The following EVL variants were observed in gnomAD, a reference collection of about 807,000 sequenced individuals.
The protein encoded by EVL is ena/VASP-like protein.
EVL carries 21 observed loss-of-function variants against 59.6 expected under a neutral mutation model. That is an observed-to-expected ratio of 0.35 (90% confidence interval 0.25 to 0.51). EVL has a LOEUF of 0.51. EVL is among the 20% of genes least tolerant of loss of function. The pLI, the probability that EVL is intolerant of heterozygous loss-of-function variation, is 0.97. For synonymous variants in EVL, 198 were observed against 203.5 expected (o/e 0.97, Z 0.23); for missense variants, 462 against 546.6 (o/e 0.85, Z 1.54).
chr14:100,014,112 G>C (rs1404702526), intron 1 of EVL, among the ~76,000 whole-genome samples: 1 of 152,028 alleles, frequency 6.6e-6, no homozygotes, highest in Admixed American at 6.6e-5. Context: ...TGTGCTATCA[G>C]ATACTAGCAT....
chr14:100,107,090 C>T lies in EVL; in HGVS notation c.358+9432C>T, dbSNP rs1433937813. Reference sequence around the variant, plus strand: ...CAGGCCCGTGGCAGTTCACATGACACGAAGATGCCCGGTGCCTGGTATGTG... The same window carrying T: ...CAGGCCCGTGGCAGTTCACATGACATGAAGATGCCCGGTGCCTGGTATGTG... On this transcript the variant is annotated intron_variant, in intron 3 of 13. Coordinates refer to ENST00000392920, the MANE Select transcript of EVL (RefSeq NM_016337.3). The T allele has an allele frequency of 1.3e-5, 5 of 398,606 alleles. No homozygotes were observed. The Admixed American group carries it at 1.3e-4, about 11-fold the overall frequency. 24.7% of individuals were successfully genotyped at this position (398,606 alleles called of 1,614,324 possible). A position where few individuals can be genotyped will look rare whatever the true frequency, so the allele number is the denominator to read the frequency against.
At chr14:100,023,189 T>C (rs2061154963) in intron 1 of EVL, among the ~76,000 whole-genome samples, 1 of 144,792 alleles carries the variant, frequency 6.9e-6, no homozygotes, top group African/African-American at 2.8e-5. Context: ...TCACTTGTCC[T>C]TTTGCCCTTT....
rs145338960 is a variant in EVL, at chr14:99,979,793, C to T, written c.5+7736C>T. On this transcript the variant is annotated intron_variant, in intron 1 of 13. Coordinates refer to the EVL transcript ENST00000402714. ...CTGAGGCAGGAGAATGGTGCGAACC[C>T]GGGAGGCAGAGCTTGCAGTGAGCCA... Among the ~76,000 whole-genome samples the T allele has an allele frequency of 6.4e-4, 97 of 152,224 alleles. 2 individuals carry two copies. The East Asian group carries it at 0.018, about 29-fold the overall frequency.
rs150937058 is a variant in EVL, at chr14:100,120,916, G to A, written c.359-2623G>A. 2.3e-4 allele frequency among the ~76,000 whole-genome samples: 35 copies of A among 152,250 alleles called. 1 individual carries two copies. In the East Asian group the frequency reaches 2.3e-3, roughly 10 times the overall value. Reference sequence around the variant, plus strand: ...AAGCAGGGTGTTTTGTGGGGCAGCCGACACAGCACCAACAAGACTCCGTTA... The same window carrying A: ...AAGCAGGGTGTTTTGTGGGGCAGCCAACACAGCACCAACAAGACTCCGTTA... On this transcript the variant is annotated intron_variant, in intron 3 of 13. Coordinates refer to ENST00000392920, the MANE Select transcript of EVL (RefSeq NM_016337.3).
At chr14:100,010,060 C>T (rs906308106) in intron 1 of EVL, among the ~76,000 whole-genome samples, 5 of 152,058 alleles carry the variant, frequency 3.3e-5, no homozygotes, top group African/African-American at 1.2e-4. Flanking sequence ...GTGCCTGGCT[C>T]TTAGTTGATT....
chr14:100,007,099 C>T (rs542169369), intron 1 of EVL, among the ~76,000 whole-genome samples: 6 of 152,054 alleles, frequency 3.9e-5, no homozygotes, highest in South Asian at 4.2e-4. Context: ...TGAAGACGTG[C>T]GCCTGTCACA....
chr14:100,027,224 A>C (rs1251374151), intron 1 of EVL, among the ~76,000 whole-genome samples: 2 of 152,228 alleles, frequency 1.3e-5, no homozygotes, highest in African/African-American at 2.4e-5. Flanking sequence ...TGCCCATCTC[A>C]AGCGTTTATC....
At chr14:100,079,913 G>A (rs917860111) in intron 1 of EVL, among the ~76,000 whole-genome samples, 8 of 152,148 alleles carry the variant, frequency 5.3e-5, no homozygotes, top group Non-Finnish European at 1.0e-4. Context: ...ATCCTCCTGA[G>A]TAGCTGGGAC....
At chr14:99,998,077 T>C (rs972488491) in intron 1 of EVL, among the ~76,000 whole-genome samples, 2 of 152,164 alleles carry the variant, frequency 1.3e-5, no homozygotes, top group Non-Finnish European at 2.9e-5. Context: ...TGGAGTGCTG[T>C]GGTGTGATCA....
At chr14:99,986,758 CT>C (rs2060842848) in intron 1 of EVL, among the ~76,000 whole-genome samples, 1 of 152,180 alleles carries the variant, frequency 6.6e-6, no homozygotes, top group African/African-American at 2.4e-5. Flanking sequence ...CTTACTACCC[CT>C]ACATTTATGA....
intron 1 of EVL, among the ~76,000 whole-genome samples, chr14:100,068,009 G>GA (rs1205537027): frequency 6.6e-6 from 1 of 152,178 alleles, no homozygotes; most frequent in East Asian, 1.9e-4. Context: ...CGGCTGCTCT[G>GA]GGTGCTAGGG....
chr14:100,007,526 A>G (rs12431586), intron 1 of EVL, among the ~76,000 whole-genome samples: 6,506 of 152,320 alleles, frequency 0.043, 209 homozygotes, highest in African/African-American at 0.078. Flanking sequence ...ATCTACTCAC[A>G]TCATGGCACT....
In EVL at chr14:100,020,875, T is replaced by G. The variant is rs142618479; in HGVS notation, c.5+48818T>G. Among the ~76,000 whole-genome samples, 79 of 152,360 alleles carry G rather than the reference T, an allele frequency of 5.2e-4. 1 individual carries two copies. Among genetic ancestry groups the G allele is most frequent in the African/African-American group, 1.8e-3 (73 of 41,588 alleles). ...CTGCATTATTTCTAATGGCCTGGGT[T>G]TGCGACAAAGAAATTCTTTTTATGT... On this transcript the variant is annotated intron_variant, in intron 1 of 13. Coordinates refer to the EVL transcript ENST00000402714.
intron 3 of EVL, among the ~76,000 whole-genome samples, chr14:100,100,293 T>C (rs1886125853): frequency 6.6e-6 from 1 of 152,026 alleles, no homozygotes. Context: ...GTACCCCAAT[T>C]TGAAGCTTTC....
In EVL at chr14:100,000,162, C is replaced by A. The variant is rs2060936829; in HGVS notation, c.5+28105C>A. Among the ~76,000 whole-genome samples, 5 of 152,296 alleles carry A rather than the reference C, an allele frequency of 3.3e-5. No homozygotes were observed. In the South Asian group the frequency reaches 6.2e-4, roughly 19 times the overall value. ...TGTCCATCACACACCCTCAGGAGGT[C>A]CTGACAACGTGTGCCCAAGGTGGTC... On this transcript the variant is annotated intron_variant, in intron 1 of 13. Coordinates refer to the EVL transcript ENST00000402714.
chr14:100,073,368 A>G (rs1284704653), intron 1 of EVL, among the ~76,000 whole-genome samples: 4 of 141,616 alleles, frequency 2.8e-5, no homozygotes, highest in African/African-American at 8.1e-5. Context: ...GTCACCCAGG[A>G]TGGAGTGCAG....
intron 1 of EVL, among the ~76,000 whole-genome samples, chr14:100,066,209 G>A (rs2061927244): frequency 6.6e-6 from 1 of 152,130 alleles, no homozygotes. Context: ...TGACAGCTTT[G>A]TTTTTTAGCA....
At chr14:99,973,622 C>T (rs1376580534) in intron 1 of EVL, among the ~76,000 whole-genome samples, 1 of 152,174 alleles carries the variant, frequency 6.6e-6, no homozygotes, top group African/African-American at 2.4e-5. Context: ...ACCACCACAC[C>T]TGGCTGATTT....
intron 1 of EVL, among the ~76,000 whole-genome samples, chr14:100,016,522 C>T (rs1054260779): frequency 1.1e-4 from 17 of 152,066 alleles, no homozygotes; most frequent in African/African-American, 3.9e-4. Flanking sequence ...AGCAAGACTC[C>T]GGCTCAAAAA....
Sources: allele counts gnomAD v4.1 joint callset (sites outside exome capture counted in the v4.1 genomes callset), GRCh38; gene constraint gnomAD v4.1.1; transcripts MANE v1.5; gene names NCBI Gene and HGNC (gene_info 2026-07-23, HGNC 2026-07-21).